The following KANSL2 variants were observed in gnomAD, a reference collection of about 807,000 sequenced individuals.
KANSL2 encodes the protein KAT8 regulatory NSL complex subunit 2, also known as NSL complex protein NSL2.
A neutral mutation model predicts 55.6 loss-of-function variants in KANSL2; 34 were observed. That is an observed-to-expected ratio of 0.61 (90% CI 0.46 to 0.81). The LOEUF (loss-of-function observed/expected upper bound fraction) is 0.81. Among genes scored for constraint, KANSL2 ranks in the 40% least tolerant of loss-of-function variants. The pLI, the probability that KANSL2 is intolerant of heterozygous loss-of-function variation, is 0.00. For missense variants in KANSL2, 502 were observed against 609.9 expected, an observed-to-expected ratio of 0.82 and a Z score of 1.86; for synonymous variants, 209 against 214.3, an observed-to-expected ratio of 0.98 and a Z score of 0.22.
At chr12:48,662,935 C>T (rs1297934818) in intron 7 of KANSL2, among the ~76,000 whole-genome samples, 1 of 152,150 alleles carries the variant, frequency 6.6e-6, no homozygotes, top group African/African-American at 2.4e-5. Context: ...CACAACCACA[C>T]CATGCACAAA....
intron 1 of KANSL2, chr12:48,681,951 G>T: frequency 1.4e-6 from 1 of 702,922 alleles, no homozygotes; most frequent in Non-Finnish European, 2.6e-6. Context: ...CTCCCCGCAC[G>T]CCGCCTTTGT....
intron 1 of KANSL2, 143 bp from the exon 2 acceptor site, chr12:48,681,784 A>T (rs958916035): frequency 2.0e-6 from 2 of 996,688 alleles, no homozygotes; most frequent in South Asian, 2.7e-5. Flanking sequence ...GCCCTCCCCA[A>T]GTCTCCACAG....
intron 7 of KANSL2, among the ~76,000 whole-genome samples, chr12:48,664,339 G>A (rs567799838): frequency 3.2e-4 from 48 of 150,734 alleles, no homozygotes; most frequent in South Asian, 2.9e-3. Context: ...GTGCAGTGGC[G>A]CAAAACCTCA....
intron 7 of KANSL2, among the ~76,000 whole-genome samples, chr12:48,667,109 G>A (rs920209593): frequency 6.6e-6 from 1 of 150,536 alleles, no homozygotes; most frequent in Admixed American, 6.6e-5. Context: ...GGAGGGTGCA[G>A]TGAGGTGGAG....
At chr12:48,655,568 C>CAAA (rs11427280) in intron 8 of KANSL2, among the ~76,000 whole-genome samples, 5 of 143,540 alleles carry the variant, frequency 3.5e-5, no homozygotes, top group African/African-American at 7.8e-5. Flanking sequence ...GACCCTGTCT[C>CAAA]AAAAAAAAAA....
At chr12:48,667,367 C>A in intron 7 of KANSL2, 1 of 323,130 alleles carries the variant, frequency 3.1e-6, no homozygotes. Context: ...AATCAGAAAC[C>A]TTGAGACAAT....
intron 5 of KANSL2, among the ~76,000 whole-genome samples, chr12:48,670,066 T>G (rs1939680789): frequency 6.6e-6 from 1 of 151,942 alleles, no homozygotes; most frequent in Non-Finnish European, 1.5e-5. Context: ...CTGGGCGTGG[T>G]GGCATGCGCC....
chr12:48,653,942 A>T lies in KANSL2; in HGVS notation c.*102T>A. 1 of 1,252,286 alleles carries T rather than the reference A, an allele frequency of 8.0e-7. No homozygotes were observed. Among genetic ancestry groups the T allele is most frequent in the Non-Finnish European group, 1.1e-6 (1 of 923,510 alleles). 77.6% of individuals were successfully genotyped at this position (1,252,286 alleles called of 1,614,324 possible). ...ATAATACTCAATCCAGAAGAAAAAC[A>T]AGGTAGTCTGGGTTGCCTGTGTTTT... On this transcript the variant is annotated 3_prime_UTR_variant, in exon 10 of 10. Transcript: ENST00000420613.
chr12:48,665,790 G>A (rs1262493148), intron 7 of KANSL2, among the ~76,000 whole-genome samples: 1 of 152,108 alleles, frequency 6.6e-6, no homozygotes, highest in Non-Finnish European at 1.5e-5. Flanking sequence ...ACATTATGAT[G>A]GTTCAAAGGC....
chr12:48,680,920 C>T (rs764410403), intron 2 of KANSL2, among the ~76,000 whole-genome samples: 1 of 151,554 alleles, frequency 6.6e-6, no homozygotes, highest in Non-Finnish European at 1.5e-5. Flanking sequence ...TGCAGTGAGC[C>T]GAGATCTCCA....
intron 4 of KANSL2, among the ~76,000 whole-genome samples, chr12:48,674,688 G>T (rs577094994): frequency 2.0e-5 from 3 of 152,284 alleles, no homozygotes; most frequent in Non-Finnish European, 4.4e-5. Context: ...TGGTGCACAA[G>T]GCCAAGGTGG....
chr12:48,677,837 T>G (rs1939852769), intron 4 of KANSL2, among the ~76,000 whole-genome samples: 1 of 146,722 alleles, frequency 6.8e-6, no homozygotes, highest in East Asian at 2.0e-4. Context: ...TTTAAGTTAC[T>G]ATTTGTGAGA....
intron 5 of KANSL2, 68 bp downstream of exon 5, chr12:48,671,731 A>G: frequency 6.9e-7 from 1 of 1,457,642 alleles, no homozygotes; most frequent in Admixed American, 2.1e-5. Context: ...ATTAAGTGAC[A>G]CATGACTGTA....
At chr12:48,661,769 G>A (rs989697411) in intron 7 of KANSL2, among the ~76,000 whole-genome samples, 2 of 152,122 alleles carry the variant, frequency 1.3e-5, no homozygotes, top group Non-Finnish European at 1.5e-5. Flanking sequence ...AACACTGTAG[G>A]CCAGGTACAT....
At chr12:48,679,880 G>A (rs750841005) in intron 2 of KANSL2, 47 bp from the exon 3 acceptor site, 11 of 1,387,074 alleles carry the variant, frequency 7.9e-6, no homozygotes, top group East Asian at 5.0e-5. Context: ...TCTTGAAAGC[G>A]TTCAATAATG....
Position 48,681,418 on chromosome 12 carries a change from C to T in KANSL2, c.215G>A (p.Cys72Tyr). 1 of 1,613,844 alleles carries T rather than the reference C, an allele frequency of 6.2e-7. No individual in the cohort carries two copies. The highest frequency in any genetic ancestry group is 8.5e-7 in the Non-Finnish European group (1 of 1,179,804). ...SYISTKNGKR[C>Y]PNAAPKPEKK... ...CTCTGGCTTTGGGGCAGCATTGGGACATCTTTTTCCATTCTTCGTCGATAT... is the reference window on the plus strand; with the variant it reads ...CTCTGGCTTTGGGGCAGCATTGGGATATCTTTTTCCATTCTTCGTCGATAT... Residue 72 changes from cysteine (C) to tyrosine (Y), a missense_variant, in exon 2 of 10, where the codon TGT becomes TAT. Cys to Tyr is a radical substitution (Grantham distance 194). Coordinates refer to ENST00000420613, the MANE Select transcript of KANSL2 (RefSeq NM_017822.4).
chr12:48,675,981 C>T (rs1939813663), intron 4 of KANSL2, among the ~76,000 whole-genome samples: 1 of 151,954 alleles, frequency 6.6e-6, no homozygotes, highest in South Asian at 2.1e-4. Flanking sequence ...TAACCTTCAG[C>T]CAAACAAGTT....
rs961281091 is a variant in KANSL2, at chr12:48,669,156, T to C, written c.826A>G (p.Arg276Gly). ...AGCATTCTCCGTTCCTTCAACTGCC[T>C]ATGCAGTAAGGCTTCCACTCCATAG... ...QRYGVEALLH[R>G]QLKERRMLAT... The change falls in exon 6 of 10, where the codon AGG becomes GGG. Residue 276 changes from arginine (R) to glycine (G), a missense_variant. Transcript: ENST00000420613. 1.4e-5 allele frequency: 21 copies of C among 1,551,638 alleles called. No individual in the cohort carries two copies. Among genetic ancestry groups the C allele is most frequent in the East Asian group, 2.4e-5 (1 of 40,964 alleles).
At position 48,679,849 on chromosome 12, in the gene KANSL2, A is replaced by G. The variant is rs1340692025; in HGVS notation, c.252-16T>C. 1.3e-6 allele frequency: 2 copies of G among 1,565,358 alleles called. No homozygotes were observed. The highest frequency in any genetic ancestry group is 1.7e-6 in the Non-Finnish European group (2 of 1,154,940). ...GAAGGACACCCTGAAGAGACAAAAC[A>G]TTAATATTTTATAAGTTCCTTCTTG... On this transcript the variant is annotated splice_polypyrimidine_tract_variant and intron_variant, in intron 2 of 9. Coordinates refer to ENST00000420613, the MANE Select transcript of KANSL2 (RefSeq NM_017822.4).
Sources: allele counts gnomAD v4.1 joint callset (sites outside exome capture counted in the v4.1 genomes callset), GRCh38; gene constraint gnomAD v4.1.1; transcripts MANE v1.5; gene names NCBI Gene and HGNC (gene_info 2026-07-23, HGNC 2026-07-21).